TSEN2: variants seen among roughly 807,000 people sequenced by gnomAD.
TSEN2 encodes tRNA-splicing endonuclease subunit Sen2.
In TSEN2, 54 loss-of-function variants were observed where a neutral mutation model predicts 59.2. The ratio of observed to expected loss-of-function variants is 0.91; its 90% CI spans 0.73 to 1.14. The LOEUF (loss-of-function observed/expected upper bound fraction) is 1.14. TSEN2 is among the 50% of genes most tolerant of loss of function. The pLI is 0.00. For missense variants in TSEN2, 636 were observed against 576.2 expected (o/e 1.10, Z -1.06); for synonymous variants, 195 against 198.2 (o/e 0.98, Z 0.14).
intron 6 of TSEN2, among the ~76,000 whole-genome samples, chr3:12,513,017 C>G (rs569982804): frequency 1.1e-4 from 16 of 152,296 alleles, no homozygotes; most frequent in African/African-American, 3.6e-4. Flanking sequence ...GATTGTCAAC[C>G]TCTACAGACC....
At position 12,516,620 on chromosome 3, in the gene TSEN2, T is replaced by G. The variant is rs1470235917; in HGVS notation, c.919T>G (p.Leu307Val). 3.4e-5 allele frequency: 55 copies of G among 1,613,902 alleles called. No homozygotes were observed. Among genetic ancestry groups the G allele is most frequent in the Non-Finnish European group, 4.6e-5 (54 of 1,180,016 alleles). The change falls in exon 7 of 12, where the codon TTG becomes GTG. Residue 307 changes from leucine (L) to valine (V), a missense_variant. By Grantham distance (32) the Leu-to-Val change is conservative. Transcript: ENST00000284995. ...CTTGCTGTATTTTCAGGCCTTTTTCTTGGTCTATGCTCTGGGATGTTTAAG... is the reference window on the plus strand; with the variant it reads ...CTTGCTGTATTTTCAGGCCTTTTTCGTGGTCTATGCTCTGGGATGTTTAAG... The part of the protein sequence containing the change: ...LQLSLEEAFF[L>V]VYALGCLSIY...
At position 12,505,168 on chromosome 3, in the gene TSEN2, C is replaced by T. The variant is rs1444472083; in HGVS notation, c.846C>T (p.Asn282=). Residue 282 remains asparagine (N), a synonymous_variant, in exon 6 of 12, where the codon AAC becomes AAT. Transcript: ENST00000284995. ...TTTCTCTTTAGTTGGTGCAAAGAAA[C>T]AGGTTAATATGCAGAAGAAATCCAT... The part of the protein sequence containing the change: ...AAPNEELVQR[N]RLICRRNPYR... 1 of 1,607,796 alleles carries T rather than the reference C, an allele frequency of 6.2e-7. No individual in the cohort carries two copies. The highest frequency in any genetic ancestry group is 1.1e-5 in the South Asian group (1 of 90,934).
At position 12,531,669 on chromosome 3, in the gene TSEN2, C is replaced by T; in HGVS notation, c.1338+10C>T. The stretch of plus-strand genomic sequence containing the variant: ...AAGGATTAAAGTTCAGGTGGGTAAA[C>T]TCAGAGAAATTCATGTCATCCCAAA... On this transcript the variant is annotated intron_variant, in intron 11 of 11. Coordinates refer to ENST00000284995, the MANE Select transcript of TSEN2 (RefSeq NM_025265.4). The T allele has an allele frequency of 6.4e-7, 1 of 1,561,432 alleles. No individual in the cohort carries two copies. The highest frequency in any genetic ancestry group is 1.4e-5 in the African/African-American group (1 of 73,998).
chr3:12,522,987 T>A (rs2056770977), intron 8 of TSEN2, among the ~76,000 whole-genome samples: 1 of 152,160 alleles, frequency 6.6e-6, no homozygotes, highest in South Asian at 2.1e-4. Context: ...TTCACACTCC[T>A]GTGAGGTCTG....
At chr3:12,480,665 G>C (rs1222692584), upstream of TSEN2, among the ~76,000 whole-genome samples, 1 of 151,166 alleles carries the variant, frequency 6.6e-6, no homozygotes, top group Non-Finnish European at 1.5e-5. Context: ...CGAATAGCTG[G>C]GATTACAGGC....
intron 7 of TSEN2, among the ~76,000 whole-genome samples, chr3:12,517,119 G>A (rs904593733): frequency 5.3e-5 from 8 of 152,036 alleles, no homozygotes; most frequent in African/African-American, 9.7e-5. Flanking sequence ...GGGCCGAGGC[G>A]GGCAGATCAC....
At chr3:12,513,996 T>C (rs1052447863) in intron 6 of TSEN2, among the ~76,000 whole-genome samples, 32 of 152,176 alleles carry the variant, frequency 2.1e-4, no homozygotes, top group Admixed American at 1.6e-3. Flanking sequence ...AACACAAGCA[T>C]TGAACACCCA....
chr3:12,495,163 A>G (rs1365923971), intron 3 of TSEN2, among the ~76,000 whole-genome samples: 2 of 148,254 alleles, frequency 1.3e-5, no homozygotes, highest in South Asian at 2.1e-4. Context: ...AATTTTTACA[A>G]GAGATTTTTT....
chr3:12,496,612 A>G lies in TSEN2; in HGVS notation c.308+58A>G, dbSNP rs41293387. 26,439 of 1,583,548 alleles carry G rather than the reference A, an allele frequency of 0.017. 447 individuals carry two copies. Among genetic ancestry groups the G allele is most frequent in the South Asian group, 0.056 (5,023 of 90,488 alleles). ...ATGATGGTTTAAGTCAGATGTTTTT[A>G]GGTAGTCTTGTCCCATGTAGCAGTC... is the stretch of plus-strand genomic sequence containing the variant. On this transcript the variant is annotated intron_variant, in intron 4 of 11. Transcript: ENST00000284995.
intron 7 of TSEN2, among the ~76,000 whole-genome samples, chr3:12,518,702 CTCT>C (rs1289068607): frequency 3.2e-5 from 4 of 123,448 alleles, no homozygotes; most frequent in Non-Finnish European, 6.8e-5. Context: ...TTTATATTCT[CTCT>C]TTTTTTTTTT....
Position 12,518,965 on chromosome 3 carries a change from A to G in TSEN2, c.961-94A>G, listed in dbSNP as rs566157467. ...GGAACTGCATTTTCTTCACTGCTTC[A>G]GCTCCACACTTAGTATAGATGTTGG... On this transcript the variant is annotated intron_variant, in intron 7 of 11. Coordinates refer to ENST00000284995, the MANE Select transcript of TSEN2 (RefSeq NM_025265.4). 5 of 1,264,538 alleles carry G rather than the reference A, an allele frequency of 4.0e-6. 1 individual carries two copies. The Admixed American group carries it at 8.6e-5, about 22-fold the overall frequency. The allele number at this position is 1,264,538 out of a possible 1,614,324, so 78.3% of individuals were successfully genotyped here.
chr3:12,507,327 C>T (rs931508924), intron 6 of TSEN2, among the ~76,000 whole-genome samples: 1 of 152,244 alleles, frequency 6.6e-6, no homozygotes, highest in Non-Finnish European at 1.5e-5. Flanking sequence ...ATTCCCAGCA[C>T]TGTGGAGCGC....
intron 8 of TSEN2, among the ~76,000 whole-genome samples, chr3:12,519,683 T>G (rs1238311640): frequency 2.0e-5 from 3 of 152,034 alleles, no homozygotes; most frequent in Non-Finnish European, 4.4e-5. Context: ...GAGGCAGAAC[T>G]TGCAGTGAGC....
intron 6 of TSEN2, among the ~76,000 whole-genome samples, chr3:12,509,952 A>C (rs186930957): frequency 1.8e-3 from 280 of 152,350 alleles, no homozygotes; most frequent in African/African-American, 6.3e-3. Context: ...TTAGCCTGTG[A>C]GGAGTGAGCT....
At chr3:12,513,807 G>A (rs977246490) in intron 6 of TSEN2, among the ~76,000 whole-genome samples, 6 of 152,226 alleles carry the variant, frequency 3.9e-5, no homozygotes, top group African/African-American at 1.2e-4. Flanking sequence ...AAGAGAAAAG[G>A]TCAAAATAAG....
chr3:12,503,232 G>C (rs368542577), intron 4 of TSEN2, 30 bp from the exon 5 acceptor site: 142 of 1,613,868 alleles, frequency 8.8e-5, no homozygotes, highest in Admixed American at 1.2e-4. Flanking sequence ...AAATTCGAGT[G>C]CTGTTTCTAA....
chr3:12,490,129 G>A, intron 2 of TSEN2, 140 bp downstream of exon 2: 1 of 884,928 alleles, frequency 1.1e-6, no homozygotes, highest in Non-Finnish European at 1.8e-6. Context: ...CCAGTTGTAG[G>A]AAAAGTACAA....
Position 12,503,718 on chromosome 3 carries a change from T to C in TSEN2, c.765T>C (p.His255=). 6.2e-7 allele frequency: 1 copy of C among 1,613,904 alleles called. No homozygotes were observed. Among genetic ancestry groups the C allele is most frequent in the Non-Finnish European group, 8.5e-7 (1 of 1,179,920 alleles). ...ATCCTGGGGACAGAGGGCCTGACCA[T>C]GAGTACGTGCTGGTCGAGGAAGCGG... ...LLHPGDRGPD[H]EYVLVEEAEC... Residue 255 remains histidine, a synonymous_variant, in exon 5 of 12, where the codon CAT becomes CAC. Coordinates refer to ENST00000284995, the MANE Select transcript of TSEN2 (RefSeq NM_025265.4).
intron 4 of TSEN2, among the ~76,000 whole-genome samples, chr3:12,498,713 G>T (rs1261015568): frequency 6.6e-6 from 1 of 152,118 alleles, no homozygotes; most frequent in Non-Finnish European, 1.5e-5. Flanking sequence ...TCAGATTACA[G>T]CTCATTTCCC....
Sources: allele counts gnomAD v4.1 joint callset (sites outside exome capture counted in the v4.1 genomes callset), GRCh38; gene constraint gnomAD v4.1.1; transcripts MANE v1.5; gene names NCBI Gene and HGNC (gene_info 2026-07-23, HGNC 2026-07-21).